The following EXOSC7 variants were observed in gnomAD, a reference collection of about 807,000 sequenced individuals.
The protein encoded by EXOSC7 is exosome component 7.
EXOSC7 carries 25 observed loss-of-function variants against 34.3 expected under a neutral mutation model. The ratio of observed to expected loss-of-function variants is 0.73; its 90% CI spans 0.53 to 1.02. EXOSC7 has a LOEUF of 1.02. Ranked by LOEUF, EXOSC7 falls within the 50% of genes least tolerant of loss-of-function variation. The pLI is 0.00. For missense variants in EXOSC7, 370 were observed against 368.5 expected (o/e 1.00, Z -0.03); for synonymous variants, 130 against 143.0 (o/e 0.91, Z 0.65).
intron 3 of EXOSC7, among the ~76,000 whole-genome samples, chr3:44,994,521 A>G (rs1349209968): frequency 2.0e-5 from 3 of 152,032 alleles, no homozygotes; most frequent in African/African-American, 7.2e-5. Context: ...TCCTCTGGAG[A>G]TGGTCTCTAA....
chr3:44,981,186 T>C (rs1415133000), intron 1 of EXOSC7, among the ~76,000 whole-genome samples: 1 of 152,200 alleles, frequency 6.6e-6, no homozygotes, highest in Non-Finnish European at 1.5e-5. Context: ...CACCAGACAT[T>C]GGCCCATGGG....
intron 1 of EXOSC7, among the ~76,000 whole-genome samples, chr3:44,983,300 C>G (rs1706322334): frequency 6.6e-6 from 1 of 152,134 alleles, no homozygotes; most frequent in Admixed American, 6.5e-5. Flanking sequence ...TTAATGCATG[C>G]CCCCAGAAGC....
Position 45,007,519 on chromosome 3 carries a change from A to G in EXOSC7, c.715A>G (p.Met239Val). Residue 239 changes from methionine to valine, a missense_variant, in exon 7 of 8, where the codon ATG becomes GTG. Met to Val is a conservative substitution (Grantham distance 21). This residue lies in a region of EXOSC7 where 255 missense variants were observed against 246.4 expected (regional missense o/e 1.03). Coordinates refer to ENST00000265564, the MANE Select transcript of EXOSC7 (RefSeq NM_015004.4). ...GACCAGCAAGGGAGTTGTGACGTGC[A>G]TGAGGAAAGTGGGGAAGGGCAGCCT... ...SVTSKGVVTC[M>V]RKVGKGSLDP... 2.5e-6 allele frequency: 4 copies of G among 1,613,974 alleles called. No homozygotes were observed. The East Asian group carries it at 6.7e-5, about 27-fold the overall frequency.
At chr3:44,989,376 G>C (rs1316863471) in intron 2 of EXOSC7, 135 bp downstream of exon 2, 5 of 767,790 alleles carry the variant, frequency 6.5e-6, no homozygotes, top group Admixed American at 5.0e-5. Context: ...AACTCAGGGA[G>C]GGGGGGTCTA....
rs534840549 is a variant in EXOSC7, at chr3:44,990,241, T to C, written c.254+597T>C. 8.5e-5 allele frequency among the ~76,000 whole-genome samples: 13 copies of C among 152,148 alleles called. No individual in the cohort carries two copies. The East Asian group carries it at 2.5e-3, about 30-fold the overall frequency. On this transcript the variant is annotated intron_variant, in intron 3 of 7. Coordinates refer to ENST00000265564, the MANE Select transcript of EXOSC7 (RefSeq NM_015004.4). ...GTCTCACTGTGGCCAAATTTCTTCA[T>C]CTAAAAAATGAGGATAATAAATAAT... is the stretch of plus-strand genomic sequence containing the variant.
Position 44,997,099 on chromosome 3 carries a change from T to G in EXOSC7, c.267T>G (p.Ala89=). 6.2e-7 allele frequency: 1 copy of G among 1,614,184 alleles called. No individual in the cohort carries two copies. Among genetic ancestry groups the G allele is most frequent in the South Asian group, 1.1e-5 (1 of 91,066 alleles). ...CTGTTTTGTATAGTTCAGCCAGTGC[T>G]ACCCCTGAATTTGAAGGTAGAGGAG... ...LEFFVDCSAS[A]TPEFEGRGGD... is the part of the protein sequence containing the mutation. The change falls in exon 4 of 8, where the codon GCT becomes GCG. Residue 89 remains alanine (A), a synonymous_variant. Transcript: ENST00000265564.
intron 1 of EXOSC7, 96 bp downstream of exon 1, chr3:44,976,430 C>A: frequency 9.4e-7 from 1 of 1,059,152 alleles, no homozygotes; most frequent in Non-Finnish European, 1.3e-6. Flanking sequence ...GGCAGCCGAG[C>A]TGCGGCGACT....
rs756019605 is a variant in EXOSC7, at chr3:44,976,304, G to C, written c.27G>C (p.Ala9=). ...TGGCGTCCGTGACGCTGAGCGAGGC[G>C]GAGAAGGTGTACATCGTGCATGGCG... The part of the protein sequence containing the change: MASVTLSE[A]EKVYIVHGVQ... The change falls in exon 1 of 8, where the codon GCG becomes GCC. Residue 9 remains alanine (A), a synonymous_variant. Transcript: ENST00000265564. The C allele has an allele frequency of 1.3e-6, 2 of 1,564,010 alleles. No homozygotes were observed. Among genetic ancestry groups the C allele is most frequent in the East Asian group, 2.6e-5 (1 of 38,886 alleles).
chr3:44,999,260 A>C (rs1488394632), intron 4 of EXOSC7, among the ~76,000 whole-genome samples: 1 of 152,232 alleles, frequency 6.6e-6, no homozygotes, highest in African/African-American at 2.4e-5. Flanking sequence ...GCGCAGGAAT[A>C]TCCAGGGGAA....
chr3:44,981,157 TG>T (rs1706260705), intron 1 of EXOSC7, among the ~76,000 whole-genome samples: 1 of 152,166 alleles, frequency 6.6e-6, no homozygotes, highest in Non-Finnish European at 1.5e-5. Flanking sequence ...CATAAAGTGT[TG>T]GGAAATTTGG....
At position 45,003,539 on chromosome 3, in the gene EXOSC7, C is replaced by T. The variant is rs571346915; in HGVS notation, c.492-1752C>T. ...AGATGTTGCCTTGTGTATGGATGGCCAGCAGGGCTCAATCATGGGGGGTTT... is the reference window on the plus strand; with the variant it reads ...AGATGTTGCCTTGTGTATGGATGGCTAGCAGGGCTCAATCATGGGGGGTTT... On this transcript the variant is annotated intron_variant, in intron 5 of 7. Coordinates refer to ENST00000265564, the MANE Select transcript of EXOSC7 (RefSeq NM_015004.4). 3.9e-5 allele frequency among the ~76,000 whole-genome samples: 6 copies of T among 152,218 alleles called. No homozygotes were observed. The South Asian group carries it at 1.0e-3, about 26-fold the overall frequency.
chr3:44,997,184 A>G lies in EXOSC7; in HGVS notation c.352A>G (p.Ser118Gly), dbSNP rs199614040. The stretch of plus-strand genomic sequence containing the variant: ...CTATCGGATATTTAACAATAAAAGC[A>G]GTGTCGACTTAAAGACCCTCTGCAT... ...TLYRIFNNKS[S>G]VDLKTLCISP... is the part of the protein sequence containing the mutation. The change falls in exon 4 of 8, where the codon AGT becomes GGT. Residue 118 changes from serine to glycine, a missense_variant. Around this residue, in one of 3 missense-constraint regions of EXOSC7, gnomAD observed 255 missense variants for 246.4 expected, o/e 1.03. Coordinates refer to ENST00000265564, the MANE Select transcript of EXOSC7 (RefSeq NM_015004.4). 5.0e-6 allele frequency: 8 copies of G among 1,613,986 alleles called. No homozygotes were observed. The highest frequency in any genetic ancestry group is 1.1e-5 in the South Asian group (1 of 91,058).
At chr3:44,998,570 A>G (rs1706791350) in intron 4 of EXOSC7, among the ~76,000 whole-genome samples, 1 of 152,222 alleles carries the variant, frequency 6.6e-6, no homozygotes, top group Non-Finnish European at 1.5e-5. Flanking sequence ...GGTGAACTTC[A>G]TGAAAAGAAA....
At chr3:45,006,448 C>A (rs1203210841) in intron 6 of EXOSC7, among the ~76,000 whole-genome samples, 1 of 123,432 alleles carries the variant, frequency 8.1e-6, no homozygotes, top group Non-Finnish European at 1.6e-5. Flanking sequence ...CTCGCTCTGT[C>A]GCCCAGGCCG....
intron 3 of EXOSC7, among the ~76,000 whole-genome samples, chr3:44,993,630 A>G (rs1706631048): frequency 6.6e-6 from 1 of 152,148 alleles, no homozygotes; most frequent in Admixed American, 6.5e-5. Context: ...TAGTTTATCC[A>G]GCTCAGTAAA....
chr3:44,984,082 TCA>T (rs1201654388), intron 1 of EXOSC7, among the ~76,000 whole-genome samples: 1 of 152,178 alleles, frequency 6.6e-6, no homozygotes, highest in Non-Finnish European at 1.5e-5. Context: ...CTGATGAGGC[TCA>T]GTTTTCTGAC....
chr3:45,006,659 G>C (rs6441880), intron 6 of EXOSC7, among the ~76,000 whole-genome samples: 1 of 148,290 alleles, frequency 6.7e-6, no homozygotes, highest in African/African-American at 2.5e-5. Flanking sequence ...CTCATGATCT[G>C]CCCGCCTCGG....
chr3:44,979,777 A>G (rs1559740274), intron 1 of EXOSC7, among the ~76,000 whole-genome samples: 1 of 152,188 alleles, frequency 6.6e-6, no homozygotes, highest in Non-Finnish European at 1.5e-5. Flanking sequence ...GGTTGAGGGA[A>G]AGGATGGACA....
intron 7 of EXOSC7, among the ~76,000 whole-genome samples, chr3:45,008,464 T>G (rs1041289708): frequency 5.3e-5 from 8 of 152,228 alleles, no homozygotes; most frequent in African/African-American, 1.7e-4. Context: ...AAGGCCAAAA[T>G]GAGCACTGTA....
Sources: allele counts gnomAD v4.1 joint callset (sites outside exome capture counted in the v4.1 genomes callset), GRCh38; gene constraint gnomAD v4.1.1; regional missense constraint gnomAD v4.1.1; transcripts MANE v1.5; gene names NCBI Gene and HGNC (gene_info 2026-07-23, HGNC 2026-07-21).